Variants in TYW1 observed in about 807,000 individuals in gnomAD.
TYW1 encodes the protein tRNA-yW synthesizing protein 1 homolog.
Under a neutral mutation model 96.2 loss-of-function variants are expected in TYW1, and 46 were observed. The observed-to-expected ratio is 0.48, with a 90% CI of 0.38 to 0.61. TYW1 has a LOEUF of 0.61. TYW1 is among the 20% of genes least tolerant of loss of function. The pLI is 0.00. For missense variants in TYW1, 684 were observed against 909.6 expected (o/e 0.75, Z 3.19); for synonymous variants, 274 against 323.0 (o/e 0.85, Z 1.63).
At chr7:67,045,268 TG>T (rs1159088822) in intron 7 of TYW1, among the ~76,000 whole-genome samples, 9 of 152,252 alleles carry the variant, frequency 5.9e-5, no homozygotes, top group Non-Finnish European at 1.2e-4. Flanking sequence ...TAGAGTGCAG[TG>T]GTGTGATCAT....
chr7:67,197,369 A>C (rs1381402000), intron 15 of TYW1, among the ~76,000 whole-genome samples: 1 of 149,022 alleles, frequency 6.7e-6, no homozygotes, highest in Non-Finnish European at 1.5e-5. Context: ...TCTGTTGCAC[A>C]GGCTGGAGTG....
At chr7:67,115,381 G>A (rs559386185) in intron 12 of TYW1, among the ~76,000 whole-genome samples, 5 of 151,894 alleles carry the variant, frequency 3.3e-5, no homozygotes, top group Admixed American at 6.6e-5. Context: ...AGTAATTAAC[G>A]TGCTTTGCTC....
intron 10 of TYW1, among the ~76,000 whole-genome samples, chr7:67,070,991 C>T (rs1189854014): frequency 1.3e-5 from 2 of 151,704 alleles, no homozygotes; most frequent in African/African-American, 2.4e-5. Context: ...ATTAGCCGGG[C>T]GTGGTGGTGG....
rs1793184477 is a variant in TYW1, at chr7:66,996,927, T to A, written c.-52T>A. ...GTGCGTCTCGCGGTACCAGTGCGAA[T>A]CATCGGGCTATCCAGGTCCGAGATC... On this transcript the variant is annotated 5_prime_UTR_variant, in exon 1 of 16. Coordinates refer to ENST00000359626, the MANE Select transcript of TYW1 (RefSeq NM_018264.4). 6.2e-7 allele frequency: 1 copy of A among 1,613,600 alleles called. No individual in the cohort carries two copies. The highest frequency in any genetic ancestry group is 8.5e-7 in the Non-Finnish European group (1 of 1,179,826).
intron 15 of TYW1, among the ~76,000 whole-genome samples, chr7:67,206,820 G>C (rs4718480): frequency 6.6e-6 from 1 of 151,890 alleles, no homozygotes; most frequent in Non-Finnish European, 1.5e-5. Context: ...TGTTTATGCC[G>C]CTAATTCCAA....
At chr7:67,082,343 C>T (rs552603078) in intron 10 of TYW1, among the ~76,000 whole-genome samples, 32 of 152,194 alleles carry the variant, frequency 2.1e-4, no homozygotes, top group South Asian at 6.2e-4. Context: ...GTCCTCTAGA[C>T]GGGTACAGTA....
chr7:67,170,612 C>T (rs1395600484), intron 13 of TYW1, among the ~76,000 whole-genome samples: 1 of 152,146 alleles, frequency 6.6e-6, no homozygotes, highest in African/African-American at 2.4e-5. Context: ...AGTTCCTAAA[C>T]ATTTTTATTA....
chr7:67,206,622 CATAAATAA>C (rs10622608), intron 15 of TYW1, among the ~76,000 whole-genome samples: 22,914 of 143,354 alleles, frequency 0.16, 1,983 homozygotes, highest in Admixed American at 0.22. Context: ...CTGTCTCAAA[CATAAATAA>C]ATAAATAAAT....
intron 7 of TYW1, among the ~76,000 whole-genome samples, chr7:67,043,600 G>A (rs1795096288): frequency 6.6e-6 from 1 of 152,108 alleles, no homozygotes; most frequent in Non-Finnish European, 1.5e-5. Context: ...ATAACAGGAA[G>A]CTAGTTTCAG....
At chr7:67,195,360 T>C (rs1468751148) in intron 15 of TYW1, 23 bp downstream of exon 15, 2 of 1,612,466 alleles carry the variant, frequency 1.2e-6, no homozygotes, top group East Asian at 2.2e-5. Flanking sequence ...CAAACATGGA[T>C]TCTTCTGTTC....
At chr7:67,149,843 T>C (rs2949156) in intron 13 of TYW1, among the ~76,000 whole-genome samples, 8 of 151,614 alleles carry the variant, frequency 5.3e-5, no homozygotes, top group African/African-American at 1.5e-4. Context: ...AACCACATCA[T>C]GAGATGTGGG....
chr7:67,182,767 G>A (rs1379676222), intron 13 of TYW1, among the ~76,000 whole-genome samples: 2 of 152,164 alleles, frequency 1.3e-5, no homozygotes, highest in East Asian at 1.9e-4. Context: ...TGAAAGCCTA[G>A]AGGGTATTTC....
chr7:67,062,215 CCTGGCCAATATGGTGAA>C (rs1165865765), intron 9 of TYW1, among the ~76,000 whole-genome samples: 1 of 151,974 alleles, frequency 6.6e-6, no homozygotes, highest in Non-Finnish European at 1.5e-5. Context: ...TTGAGACCAG[CCTGGCCAATATGGTGAA>C]ACCCTGTCTC....
At chr7:67,003,540 G>A (rs944073750) in intron 3 of TYW1, among the ~76,000 whole-genome samples, 47 of 150,866 alleles carry the variant, frequency 3.1e-4, no homozygotes, top group Non-Finnish European at 5.3e-4. Flanking sequence ...GTAAAGGAAG[G>A]CAAAGATTTG....
chr7:67,184,068 C>T (rs2116308284), intron 14 of TYW1, among the ~76,000 whole-genome samples: 1 of 152,262 alleles, frequency 6.6e-6, no homozygotes, highest in African/African-American at 2.4e-5. Flanking sequence ...ACCTTCCTAC[C>T]TCGGCCTCTC....
Position 67,150,789 on chromosome 7 carries a change from T to C in TYW1, c.1699-32337T>C, listed in dbSNP as rs544335837. On this transcript the variant is annotated intron_variant, in intron 13 of 15. Transcript: ENST00000359626. ...GTAAATACAGGCCTTGTCTTTTTTT[T>C]CCCCCCTGTCTGACCCATGACTGAG... 1.3e-4 allele frequency among the ~76,000 whole-genome samples: 20 copies of C among 150,990 alleles called. No individual in the cohort carries two copies. The East Asian group carries it at 3.3e-3, about 25-fold the overall frequency.
chr7:67,159,841 C>A (rs1261868798), intron 13 of TYW1, among the ~76,000 whole-genome samples: 1 of 151,390 alleles, frequency 6.6e-6, no homozygotes, highest in Non-Finnish European at 1.5e-5. Context: ...TGCTCTGTAG[C>A]CCAGGCTGGA....
intron 13 of TYW1, among the ~76,000 whole-genome samples, chr7:67,150,787 T>C (rs1320119290): frequency 2.0e-5 from 3 of 151,172 alleles, no homozygotes; most frequent in Non-Finnish European, 4.4e-5. Flanking sequence ...TTGTCTTTTT[T>C]TTCCCCCCTG....
At chr7:67,119,397 A>G (rs1797694223) in intron 13 of TYW1, among the ~76,000 whole-genome samples, 1 of 152,126 alleles carries the variant, frequency 6.6e-6, no homozygotes, top group Non-Finnish European at 1.5e-5. Context: ...GCCTCGATGT[A>G]CATTTCCTGG....
Sources: gnomAD v4.1 joint callset for allele counts (sites outside exome capture counted in the v4.1 genomes callset) on GRCh38, gnomAD v4.1.1 for gene constraint, MANE v1.5 for transcripts, NCBI Gene and HGNC (gene_info 2026-07-23, HGNC 2026-07-21) for gene names.